The following SORCS3 variants were observed in gnomAD, a reference collection of about 807,000 sequenced individuals.
SORCS3 encodes the protein sortilin related VPS10 domain containing receptor 3, also known as VPS10 domain-containing receptor SorCS3.
A neutral mutation model predicts 146.3 loss-of-function variants in SORCS3; 57 were observed. The observed-to-expected ratio is 0.39, with a 90% CI of 0.31 to 0.49. SORCS3 has a LOEUF of 0.49. Ranked by LOEUF, SORCS3 falls within the 20% of genes least tolerant of loss-of-function variation. The pLI, the probability that SORCS3 is intolerant of heterozygous loss-of-function variation, is 0.92. For missense variants in SORCS3, 1,341 were observed against 1,575.5 expected (o/e 0.85, Z 2.52); for synonymous variants, 653 against 618.5 (o/e 1.06, Z -0.83).
chr10:105,221,307 G>T, intron 19 of SORCS3, among the ~76,000 whole-genome samples: 1 of 152,116 alleles, frequency 6.6e-6, no homozygotes, highest in East Asian at 1.9e-4. Context: ...CTATGACACA[G>T]AATATGTCCA....
At chr10:104,978,235 A>G (rs114903580) in intron 4 of SORCS3, among the ~76,000 whole-genome samples, 2 of 152,136 alleles carry the variant, frequency 1.3e-5, no homozygotes, top group African/African-American at 4.8e-5. Flanking sequence ...GGCATATTCC[A>G]TCACACTATG....
chr10:104,969,157 C>G (rs1017624015), intron 3 of SORCS3, among the ~76,000 whole-genome samples: 1 of 152,164 alleles, frequency 6.6e-6, no homozygotes, highest in African/African-American at 2.4e-5. Flanking sequence ...ATGGCCTCCT[C>G]CTTTTTTATT....
chr10:105,211,275 C>T, intron 17 of SORCS3, 25 bp downstream of exon 17: 6 of 1,505,722 alleles, frequency 4.0e-6, no homozygotes, highest in Middle Eastern at 1.7e-4. Flanking sequence ...TACAGGAACT[C>T]AGCTCCCTGT....
intron 3 of SORCS3, among the ~76,000 whole-genome samples, chr10:104,959,954 G>A (rs59574534): frequency 0.059 from 9,008 of 152,158 alleles, 263 homozygotes; most frequent in African/African-American, 0.074. Context: ...GGACTCTAAG[G>A]CACCATTGGT....
intron 1 of SORCS3, among the ~76,000 whole-genome samples, chr10:104,730,232 A>G (rs1374166452): frequency 6.6e-6 from 1 of 152,198 alleles, no homozygotes; most frequent in Non-Finnish European, 1.5e-5. Context: ...ACCTTTCTGA[A>G]TAGTCCAATG....
chr10:104,799,766 C>T (rs2017602965), intron 1 of SORCS3, among the ~76,000 whole-genome samples: 1 of 152,000 alleles, frequency 6.6e-6, no homozygotes, highest in South Asian at 2.1e-4. Context: ...AGCTCTGCCT[C>T]CCGGGTTCAC....
At chr10:104,814,960 G>A (rs538225215) in intron 1 of SORCS3, among the ~76,000 whole-genome samples, 1 of 152,108 alleles carries the variant, frequency 6.6e-6, no homozygotes, top group Non-Finnish European at 1.5e-5. Flanking sequence ...GCCCCAGTGT[G>A]TGAATGAGAG....
chr10:104,800,462 A>G (rs538421228), intron 1 of SORCS3, among the ~76,000 whole-genome samples: 1 of 152,134 alleles, frequency 6.6e-6, no homozygotes, highest in Admixed American at 6.5e-5. Flanking sequence ...GGTGACCCCT[A>G]ATGTTAACTG....
intron 7 of SORCS3, among the ~76,000 whole-genome samples, chr10:105,109,372 C>T (rs184693529): frequency 1.9e-4 from 29 of 152,128 alleles, no homozygotes; most frequent in Non-Finnish European, 1.5e-4. Context: ...AGTTTGTTGA[C>T]GTCATCATTT....
chr10:105,163,542 T>C (rs528351883), intron 11 of SORCS3, among the ~76,000 whole-genome samples: 5 of 152,248 alleles, frequency 3.3e-5, no homozygotes, highest in South Asian at 2.1e-4. Flanking sequence ...GGGCTGCTCA[T>C]TGGGAAAACG....
At chr10:104,697,532 C>T (rs768519986) in intron 1 of SORCS3, among the ~76,000 whole-genome samples, 2 of 152,164 alleles carry the variant, frequency 1.3e-5, no homozygotes, top group Non-Finnish European at 2.9e-5. Flanking sequence ...TCTTGTCATT[C>T]TTCATGTCAC....
intron 1 of SORCS3, among the ~76,000 whole-genome samples, chr10:104,756,888 T>C (rs901206063): frequency 2.0e-5 from 3 of 152,132 alleles, no homozygotes; most frequent in African/African-American, 7.2e-5. Context: ...TTTCTGGGAC[T>C]GAATATTAAG....
intron 14 of SORCS3, among the ~76,000 whole-genome samples, chr10:105,179,780 T>C (rs946274112): frequency 3.5e-4 from 54 of 152,214 alleles, no homozygotes; most frequent in African/African-American, 1.2e-3. Context: ...AGTTGTGGAA[T>C]GGCAATGGCA....
chr10:104,642,022 G>GGGGGGA, intron 1 of SORCS3, 68 bp downstream of exon 1: 4 of 173,332 alleles, frequency 2.3e-5, no homozygotes, highest in South Asian at 4.4e-5. Context: ...GGGTGGGTGG[G>GGGGGGA]AGCGAGGGAC....
At chr10:104,910,245 C>T (rs1468115266) in intron 2 of SORCS3, among the ~76,000 whole-genome samples, 2 of 152,298 alleles carry the variant, frequency 1.3e-5, no homozygotes, top group African/African-American at 4.8e-5. Context: ...AACCAAGGAG[C>T]AGTGTCTCTT....
chr10:104,724,220 C>T (rs1278594570), intron 1 of SORCS3, among the ~76,000 whole-genome samples: 1 of 152,152 alleles, frequency 6.6e-6, no homozygotes, highest in Non-Finnish European at 1.5e-5. Context: ...GATTTTATTT[C>T]TCCTTCACTT....
chr10:104,855,762 G>T (rs546401768), intron 2 of SORCS3, among the ~76,000 whole-genome samples: 83 of 143,360 alleles, frequency 5.8e-4, no homozygotes, highest in Non-Finnish European at 1.1e-3. Context: ...TTGAGACAGG[G>T]TCTTACTCTA....
chr10:105,021,592 A>G (rs571715927), intron 4 of SORCS3, among the ~76,000 whole-genome samples: 39 of 152,342 alleles, frequency 2.6e-4, no homozygotes, highest in African/African-American at 9.4e-4. Flanking sequence ...AATTCGAAGA[A>G]CTAGTAATTG....
chr10:104,707,255 T>C (rs1285223857), intron 1 of SORCS3, among the ~76,000 whole-genome samples: 1 of 152,200 alleles, frequency 6.6e-6, no homozygotes, highest in Admixed American at 6.5e-5. Flanking sequence ...GTTTAGTCCA[T>C]AAGAAAGAGA....
Sources: allele counts gnomAD v4.1 joint callset (sites outside exome capture counted in the v4.1 genomes callset), GRCh38; gene constraint gnomAD v4.1.1; transcripts MANE v1.5; gene names NCBI Gene and HGNC (gene_info 2026-07-23, HGNC 2026-07-21).